The following CCNJL variants were observed in gnomAD, a reference collection of about 807,000 sequenced individuals.
CCNJL encodes cyclin J like, also known as cyclin-J-like protein.
A neutral mutation model predicts 33.4 loss-of-function variants in CCNJL; 33 were observed. That is an observed-to-expected ratio of 0.99 (90% CI 0.75 to 1.32). The LOEUF is 1.32. Among genes scored for constraint, CCNJL ranks in the 40% most tolerant of loss-of-function variants. The probability of loss-of-function intolerance (pLI) is 0.00; values close to 1 mark genes in which losing one functional copy is unlikely to be tolerated. For synonymous variants in CCNJL, 227 were observed against 220.9 expected, an observed-to-expected ratio of 1.03 and a Z score of -0.24; for missense variants, 512 against 499.7, an observed-to-expected ratio of 1.02 and a Z score of -0.23.
upstream of CCNJL, chr5:160,315,445 A>G (rs1040478856): frequency 1.6e-4 from 71 of 450,110 alleles, no homozygotes; most frequent in Admixed American, 1.7e-3. Context: ...AGGTTGAGGC[A>G]GCAGTGAGCC....
At chr5:160,255,422 G>A (rs1580940519) in intron 5 of CCNJL, 127 bp downstream of exon 5, 4 of 815,346 alleles carry the variant, frequency 4.9e-6, no homozygotes, top group Middle Eastern at 3.6e-4. Context: ...CACTTTCCCT[G>A]AGACCCTGTA....
chr5:160,256,861 T>C (rs1474382590), intron 4 of CCNJL, among the ~76,000 whole-genome samples: 1 of 150,876 alleles, frequency 6.6e-6, no homozygotes, highest in Non-Finnish European at 1.5e-5. Context: ...GAGGTTGCAG[T>C]GAGCTGAGAT....
chr5:160,322,836 C>A (rs1401044361), intron 1 of CCNJL, among the ~76,000 whole-genome samples: 5 of 151,612 alleles, frequency 3.3e-5, no homozygotes, highest in Non-Finnish European at 5.9e-5. Context: ...TTGAAACAGG[C>A]AGGCAGAGGG....
chr5:160,329,779 C>G (rs371339708), intron 1 of CCNJL, among the ~76,000 whole-genome samples: 1 of 152,194 alleles, frequency 6.6e-6, no homozygotes, highest in East Asian at 1.9e-4. Flanking sequence ...GAACACCTTT[C>G]TATTTTGCAG....
intron 1 of CCNJL, among the ~76,000 whole-genome samples, chr5:160,323,590 A>G (rs1209120118): frequency 6.6e-6 from 1 of 152,218 alleles, no homozygotes; most frequent in African/African-American, 2.4e-5. Context: ...CTTCTCCAAT[A>G]TCCTGAGGAT....
At chr5:160,308,628 C>G (rs1763168258) in intron 2 of CCNJL, among the ~76,000 whole-genome samples, 1 of 152,102 alleles carries the variant, frequency 6.6e-6, no homozygotes, top group Non-Finnish European at 1.5e-5. Flanking sequence ...TGTGGTGGCA[C>G]ATGCCTGTAA....
In CCNJL at chr5:160,307,147, C is replaced by T. The variant is rs1236773035; in HGVS notation, c.66+4711G>A. Among the ~76,000 whole-genome samples the T allele has an allele frequency of 2.0e-5, 3 of 152,240 alleles. No individual in the cohort carries two copies. In the East Asian group the frequency reaches 5.8e-4, roughly 29 times the overall value. On this transcript the variant is annotated intron_variant, in intron 2 of 5. Transcript: ENST00000257536. ...ATTTCCCAGAAGAGTCCATTTGGGGCTGTCTCACTCTTTTGTGCACTCCCA... is the reference window on the plus strand; with the variant it reads ...ATTTCCCAGAAGAGTCCATTTGGGGTTGTCTCACTCTTTTGTGCACTCCCA...
chr5:160,321,388 C>T (rs889453945), intron 1 of CCNJL, among the ~76,000 whole-genome samples: 1 of 152,174 alleles, frequency 6.6e-6, no homozygotes, highest in Admixed American at 6.5e-5. Flanking sequence ...ACCCTCATGC[C>T]TAGAAGTTCC....
chr5:160,306,675 A>G (rs977010655), intron 2 of CCNJL, among the ~76,000 whole-genome samples: 2 of 152,168 alleles, frequency 1.3e-5, no homozygotes, highest in African/African-American at 4.8e-5. Flanking sequence ...TAACATAACT[A>G]TTTCCTTCTA....
chr5:160,312,171 G>A (rs1297750531), intron 1 of CCNJL, among the ~76,000 whole-genome samples, 193 bp downstream of exon 1: 1 of 152,212 alleles, frequency 6.6e-6, no homozygotes, highest in Non-Finnish European at 1.5e-5. Context: ...GGGGCGATAT[G>A]GAGCTGTGCA....
intron 5 of CCNJL, 152 bp from the exon 6 acceptor site, chr5:160,253,950 C>T (rs549608310): frequency 1.8e-5 from 10 of 560,688 alleles, no homozygotes; most frequent in South Asian, 1.3e-4. Flanking sequence ...TGTGTGGCAC[C>T]GCTCCAGCTG....
chr5:160,250,903 A>G lies in CCNJL; in HGVS notation c.*2475T>C, dbSNP rs1453362554. 1 of 152,166 alleles carries G rather than the reference A, an allele frequency of 6.6e-6. No individual in the cohort carries two copies. The highest frequency in any genetic ancestry group is 1.5e-5 in the Non-Finnish European group (1 of 68,020). The allele number at this position is 152,166 out of a possible 1,614,324, so 9.4% of individuals were successfully genotyped here. A position where few individuals can be genotyped will look rare whatever the true frequency, so the allele number is the denominator to read the frequency against. ...GTTATTTAATCCTCTTAAGAACCCT[A>G]TGAGGCAAGGTGTTATCACTCCCAT... is the stretch of plus-strand genomic sequence containing the variant. On this transcript the variant is annotated 3_prime_UTR_variant, in exon 6 of 6. Coordinates refer to ENST00000257536, the MANE Select transcript of CCNJL (RefSeq NM_001308173.3).
chr5:160,253,692 C>A lies in CCNJL; in HGVS notation c.850G>T (p.Ala284Ser). ...GCTGGCTGGCCGAGGGCCGGGTAGG[C>A]TGGTGGCTGGAACAGCACTTGAGTG... Reference protein sequence around the residue: ...TPTQVLFQPPAYPALGQPATT... With the variant: ...TPTQVLFQPPSYPALGQPATT... Residue 284 changes from alanine to serine, a missense_variant, in exon 6 of 6, where the codon GCC (alanine) becomes TCC (serine). Ala to Ser is a moderately conservative substitution (Grantham distance 99). Transcript: ENST00000257536. 1.2e-6 allele frequency: 2 copies of A among 1,605,978 alleles called. No individual in the cohort carries two copies. Among genetic ancestry groups the A allele is most frequent in the South Asian group, 1.1e-5 (1 of 90,222 alleles).
rs551978293 is a variant in CCNJL at position 160,252,352 on chromosome 5, C to T, written c.*1026G>A. The T allele has an allele frequency of 4.6e-5, 7 of 152,552 alleles. No individual in the cohort carries two copies. The highest frequency in any genetic ancestry group is 1.0e-4 in the Non-Finnish European group (7 of 68,072). The allele number at this position is 152,552 out of a possible 1,614,324, so 9.4% of individuals were successfully genotyped here. On this transcript the variant is annotated 3_prime_UTR_variant, in exon 6 of 6. Coordinates refer to ENST00000257536, the MANE Select transcript of CCNJL (RefSeq NM_001308173.3). The stretch of plus-strand genomic sequence containing the variant: ...AAATTTTCCACATTGCTATCCTTCG[C>T]TATCAGCCACACTCAAAGCCTAGAC...
intron 2 of CCNJL, among the ~76,000 whole-genome samples, chr5:160,310,101 G>A (rs1468630873): frequency 6.6e-6 from 1 of 152,158 alleles, no homozygotes; most frequent in Non-Finnish European, 1.5e-5. Context: ...GGCAAATCAG[G>A]TAGAAGTCGT....
chr5:160,260,819 C>A (rs1322740656), intron 3 of CCNJL, among the ~76,000 whole-genome samples: 1 of 152,278 alleles, frequency 6.6e-6, no homozygotes, highest in African/African-American at 2.4e-5. Flanking sequence ...CTCAGCCAAC[C>A]CTGACCTGTC....
chr5:160,337,611 G>T (rs894481010), intron 1 of CCNJL, among the ~76,000 whole-genome samples: 1 of 152,068 alleles, frequency 6.6e-6, no homozygotes, highest in Admixed American at 6.5e-5. Flanking sequence ...CCACCTTAGG[G>T]ACGTTGCATT....
intron 2 of CCNJL, among the ~76,000 whole-genome samples, chr5:160,286,243 A>G (rs1047911891): frequency 6.6e-6 from 1 of 152,234 alleles, no homozygotes; most frequent in Non-Finnish European, 1.5e-5. Flanking sequence ...CAAGTGAGAG[A>G]AGAGAACTCA....
In CCNJL at chr5:160,322,693, G is replaced by T. The variant is rs550585261; in HGVS notation, n.207-7188C>A. Among the ~76,000 whole-genome samples, 31 of 151,998 alleles carry T rather than the reference G, an allele frequency of 2.0e-4. No individual in the cohort carries two copies. In the South Asian group the frequency reaches 6.2e-3, roughly 31 times the overall value. ...GAGGCTGAGGCAGGTGGATCACAAG[G>T]TCAGGAGCTTGAGACCAGCCTGGCC... On this transcript the variant is annotated intron_variant and non_coding_transcript_variant, in intron 1 of 7. Coordinates refer to the CCNJL transcript ENST00000377503.
Sources: gnomAD v4.1 joint callset for allele counts (sites outside exome capture counted in the v4.1 genomes callset) on GRCh38, gnomAD v4.1.1 for gene constraint, MANE v1.5 for transcripts, NCBI Gene and HGNC (gene_info 2026-07-23, HGNC 2026-07-21) for gene names.